Variants in TAAR1 observed in about 807,000 individuals in gnomAD.
TAAR1 encodes the protein trace amine associated receptor 1.
A neutral mutation model predicts 1.2 loss-of-function variants in TAAR1; 1 was observed. The observed-to-expected ratio is 0.81, with a 90% CI of 0.29 to 3.86. The LOEUF (loss-of-function observed/expected upper bound fraction) is 3.86. Among genes scored for constraint, TAAR1 ranks in the 30% most tolerant of loss-of-function variants. The pLI, the probability that TAAR1 is intolerant of heterozygous loss-of-function variation, is 0.18. For missense variants in TAAR1, 445 were observed against 405.6 expected, an observed-to-expected ratio of 1.10 and a Z score of -0.83; for synonymous variants, 153 against 132.2, an observed-to-expected ratio of 1.16 and a Z score of -1.08.
chr6:132,648,173 A>G (rs190313260), intron 1 of TAAR1, among the ~76,000 whole-genome samples: 228 of 152,344 alleles, frequency 1.5e-3, no homozygotes, highest in African/African-American at 5.3e-3. Context: ...CAGTTAAGTT[A>G]TATATTTTCT....
Position 132,645,911 on chromosome 6 carries a change from C to T in TAAR1, c.93G>A (p.Val31=). The part of the protein sequence containing the change: ...DVRASLYSLM[V]LIILTTLVGN... The stretch of plus-strand genomic sequence containing the variant: ...CAACGAGTGTGGTCAGAATTATGAG[C>T]ACCATTAAACTGTACAGGGAAGCAC... Residue 31 remains valine (V), a synonymous_variant, in exon 2 of 2, where the codon GTG becomes GTA. Transcript: ENST00000275216. The T allele has an allele frequency of 6.2e-7, 1 of 1,613,726 alleles. No homozygotes were observed. Among genetic ancestry groups the T allele is most frequent in the South Asian group, 1.1e-5 (1 of 91,070 alleles).
In TAAR1 at chr6:132,644,069, T is replaced by G. The variant is rs62427289; in HGVS notation, c.*915A>C. 0.17 allele frequency among the ~76,000 whole-genome samples: 26,013 copies of G among 151,866 alleles called. 2,776 individuals carry two copies. The highest frequency in any genetic ancestry group is 0.33 in the East Asian group (1,707 of 5,152). On this transcript the variant is annotated 3_prime_UTR_variant, in exon 2 of 2. Transcript: ENST00000275216. ...ACATTTTCATGACTTCAGTGGCAGGTAAAAAGCAGGAATTTCATTTAATTT... is the reference window on the plus strand; with the variant it reads ...ACATTTTCATGACTTCAGTGGCAGGGAAAAAGCAGGAATTTCATTTAATTT...
At chr6:132,651,292 A>G (rs1777745629) in intron 1 of TAAR1, among the ~76,000 whole-genome samples, 2 of 152,094 alleles carry the variant, frequency 1.3e-5, no homozygotes, top group South Asian at 4.1e-4. Flanking sequence ...TTCATGCTGT[A>G]TTATGGCATA....
At chr6:132,646,390 A>C (rs1777672928) in intron 1 of TAAR1, among the ~76,000 whole-genome samples, 2 of 152,190 alleles carry the variant, frequency 1.3e-5, no homozygotes, top group South Asian at 4.1e-4. Flanking sequence ...AATGATGATT[A>C]TGATCACACA....
intron 1 of TAAR1, among the ~76,000 whole-genome samples, chr6:132,648,678 G>T (rs1321091631): frequency 6.6e-6 from 1 of 152,146 alleles, no homozygotes; most frequent in African/African-American, 2.4e-5. Flanking sequence ...GTTATAAATT[G>T]TTTTTGAATA....
chr6:132,654,057 C>A (rs936712125), intron 1 of TAAR1, among the ~76,000 whole-genome samples: 5 of 152,150 alleles, frequency 3.3e-5, no homozygotes, highest in Non-Finnish European at 7.4e-5. Flanking sequence ...CACCTGGTCC[C>A]TAGCCTCTCT....
At chr6:132,652,508 T>C (rs949381345) in intron 1 of TAAR1, among the ~76,000 whole-genome samples, 3 of 150,722 alleles carry the variant, frequency 2.0e-5, no homozygotes, top group African/African-American at 7.3e-5. Context: ...GGTTTCACCA[T>C]GTTGGCCAGG....
chr6:132,657,658 G>C (rs2114291876), intron 1 of TAAR1, among the ~76,000 whole-genome samples: 1 of 152,060 alleles, frequency 6.6e-6, no homozygotes, highest in African/African-American at 2.4e-5. Context: ...TGGGAAATAA[G>C]TATGGAATGG....
intron 1 of TAAR1, among the ~76,000 whole-genome samples, chr6:132,647,624 G>T (rs9402440): frequency 3.7e-5 from 1 of 26,968 alleles, no homozygotes; most frequent in South Asian, 1.1e-3. Flanking sequence ...AAAGAAAAAG[G>T]AAAGAAAGAA....
In TAAR1 at chr6:132,655,258, G is replaced by GAAAGAATTATA. The variant is rs1562204819; in HGVS notation, c.-127+3861_-127+3871dup. On this transcript the variant is annotated intron_variant, in intron 1 of 1. Transcript: ENST00000275216. ...TGATACAGACATTTTGAAAACCCAT[G>GAAAGAATTATA]AAAGAATTATAAAAGAGAATAATCA... is the stretch of plus-strand genomic sequence containing the variant. Among the ~76,000 whole-genome samples the GAAAGAATTATA allele has an allele frequency of 8.6e-5, 13 of 152,000 alleles. No individual in the cohort carries two copies. In the South Asian group the frequency reaches 2.7e-3, roughly 32 times the overall value.
intron 1 of TAAR1, among the ~76,000 whole-genome samples, chr6:132,651,735 A>C (rs1777751543): frequency 6.6e-6 from 1 of 152,142 alleles, no homozygotes. Flanking sequence ...AGTATCCCCA[A>C]CAAGCAGCCA....
chr6:132,645,021 G>T lies in TAAR1; in HGVS notation c.983C>A (p.Ser328Ter). The T allele has an allele frequency of 1.3e-6, 2 of 1,582,412 alleles. No homozygotes were observed. Among genetic ancestry groups the T allele is most frequent in the African/African-American group, 1.4e-5 (1 of 73,028 alleles). Residue 328 changes from serine (S) to a stop codon, truncating the protein, a stop_gained, in exon 2 of 2, where the codon TCA becomes TAA. Transcript: ENST00000275216. LOFTEE classifies it high-confidence loss of function. The part of the protein sequence containing the change: ...MLFGKIFQKD[S>*]SRCKLFLELS... ...TTCCAAAAATAATTTACACCTGGAT[G>T]AATCTTTTTGGAAAATTTTACCAAA...
chr6:132,650,386 C>T (rs1279544716), intron 1 of TAAR1, among the ~76,000 whole-genome samples: 1 of 152,086 alleles, frequency 6.6e-6, no homozygotes, highest in Non-Finnish European at 1.5e-5. Context: ...TGCAGTTTTC[C>T]TCTCACTCCA....
chr6:132,658,966 C>T (rs972534459), intron 1 of TAAR1, among the ~76,000 whole-genome samples, 164 bp downstream of exon 1: 1 of 152,146 alleles, frequency 6.6e-6, no homozygotes, highest in African/African-American at 2.4e-5. Flanking sequence ...ACAGAAAACC[C>T]TTGTTAATCT....
intron 1 of TAAR1, among the ~76,000 whole-genome samples, chr6:132,648,578 T>G (rs867036094): frequency 6.6e-6 from 1 of 152,168 alleles, no homozygotes; most frequent in Non-Finnish European, 1.5e-5. Flanking sequence ...TCTTAGAAAT[T>G]GTTGATAGTA....
At chr6:132,658,979 G>A (rs1371329795) in intron 1 of TAAR1, among the ~76,000 whole-genome samples, 151 bp downstream of exon 1, 4 of 152,094 alleles carry the variant, frequency 2.6e-5, no homozygotes, top group African/African-American at 2.4e-5. Flanking sequence ...GTTAATCTTC[G>A]CACTAAATAA....
intron 1 of TAAR1, among the ~76,000 whole-genome samples, chr6:132,656,979 TGAAAAA>T (rs2114290905): frequency 6.6e-6 from 1 of 152,190 alleles, no homozygotes; most frequent in East Asian, 1.9e-4. Flanking sequence ...TAGCAAGAGA[TGAAAAA>T]TAAAAGCAAC....
intron 1 of TAAR1, among the ~76,000 whole-genome samples, chr6:132,655,296 G>A (rs1777792291): frequency 6.6e-6 from 1 of 151,324 alleles, no homozygotes; most frequent in African/African-American, 2.4e-5. Context: ...ACTAAAGACT[G>A]AATCACGGAT....
rs1043154867 is a variant in TAAR1, at chr6:132,643,365, G to A, written c.*1619C>T. On this transcript the variant is annotated 3_prime_UTR_variant, in exon 2 of 2. Transcript: ENST00000275216. ...AAAATTTGACAGACTGGACTCACAG[G>A]TGAAAAAAGTCAAACTGGTCTCACA... Among the ~76,000 whole-genome samples, 1 of 151,842 alleles carries A rather than the reference G, an allele frequency of 6.6e-6. No homozygotes were observed. Among genetic ancestry groups the A allele is most frequent in the South Asian group, 2.1e-4 (1 of 4,822 alleles).
Sources: allele counts gnomAD v4.1 joint callset (sites outside exome capture counted in the v4.1 genomes callset), GRCh38; gene constraint gnomAD v4.1.1; transcripts MANE v1.5; gene names NCBI Gene and HGNC (gene_info 2026-07-23, HGNC 2026-07-21).